Variants in DGKB observed in about 807,000 individuals in gnomAD.
DGKB encodes the protein diacylglycerol kinase beta, also known as 90 kDa diacylglycerol kinase.
In DGKB, 67 loss-of-function variants were observed where a neutral mutation model predicts 114.3. The ratio of observed to expected loss-of-function variants is 0.59; its 90% CI spans 0.48 to 0.72. The LOEUF is 0.72. Ranked by LOEUF, DGKB falls within the 30% of genes least tolerant of loss-of-function variation. The probability of loss-of-function intolerance (pLI) is 0.00; values close to 1 mark genes in which losing one functional copy is unlikely to be tolerated. For missense variants in DGKB, 907 were observed against 975.2 expected (o/e 0.93, Z 0.93); for synonymous variants, 398 against 323.1 (o/e 1.23, Z -2.49).
At chr7:14,402,747 G>C (rs1304595622) in intron 21 of DGKB, among the ~76,000 whole-genome samples, 1 of 151,872 alleles carries the variant, frequency 6.6e-6, no homozygotes. Flanking sequence ...TTGCTGTGAA[G>C]ATGTTTTATA....
intron 19 of DGKB, among the ~76,000 whole-genome samples, chr7:14,577,979 T>A (rs1799409672): frequency 6.6e-6 from 1 of 152,146 alleles, no homozygotes; most frequent in African/African-American, 2.4e-5. Flanking sequence ...GTGTCCCCAC[T>A]CAAATCTCAT....
chr7:14,908,487 T>C (rs543308184), intron 1 of DGKB, among the ~76,000 whole-genome samples: 2 of 152,310 alleles, frequency 1.3e-5, no homozygotes, highest in African/African-American at 4.8e-5. Context: ...CTCCATCTAA[T>C]AGCTAAATCT....
At chr7:14,778,421 G>A (rs763169265) in intron 2 of DGKB, among the ~76,000 whole-genome samples, 1 of 151,828 alleles carries the variant, frequency 6.6e-6, no homozygotes, top group Non-Finnish European at 1.5e-5. Context: ...TGTGCTACAC[G>A]CTCCACATTA....
chr7:14,913,125 G>T (rs911808452), intron 1 of DGKB, among the ~76,000 whole-genome samples: 1 of 152,014 alleles, frequency 6.6e-6, no homozygotes, highest in Non-Finnish European at 1.5e-5. Context: ...GTGGATCAGT[G>T]AGTCTTCATA....
intron 21 of DGKB, among the ~76,000 whole-genome samples, chr7:14,458,020 C>G (rs991368745): frequency 6.6e-6 from 1 of 152,116 alleles, no homozygotes; most frequent in Non-Finnish European, 1.5e-5. Flanking sequence ...GGGCTAGCGC[C>G]CTCTGCTGGT....
intron 23 of DGKB, among the ~76,000 whole-genome samples, chr7:14,247,361 T>C (rs570626996): frequency 1.3e-5 from 2 of 152,266 alleles, no homozygotes; most frequent in Non-Finnish European, 2.9e-5. Context: ...TTTTCTTATA[T>C]GTACCCAGCA....
At chr7:14,884,668 C>T (rs879707523) in intron 1 of DGKB, among the ~76,000 whole-genome samples, 1 of 151,910 alleles carries the variant, frequency 6.6e-6, no homozygotes, top group Non-Finnish European at 1.5e-5. Flanking sequence ...TCATCTCAGG[C>T]TCTGTAAATT....
At chr7:14,418,283 G>A (rs1438548355) in intron 21 of DGKB, among the ~76,000 whole-genome samples, 3 of 120,254 alleles carry the variant, frequency 2.5e-5, no homozygotes, top group Admixed American at 9.3e-5. Context: ...TTTTATATAT[G>A]TGTGTATATA....
chr7:14,492,973 A>G (rs1784805213), intron 20 of DGKB, among the ~76,000 whole-genome samples: 1 of 152,032 alleles, frequency 6.6e-6, no homozygotes, highest in Non-Finnish European at 1.5e-5. Flanking sequence ...AGACATAACC[A>G]TTTTTCAATA....
At chr7:14,509,903 C>T (rs1385562600) in intron 20 of DGKB, among the ~76,000 whole-genome samples, 2 of 152,194 alleles carry the variant, frequency 1.3e-5, no homozygotes, top group African/African-American at 4.8e-5. Flanking sequence ...CTTGGCCAGG[C>T]ATGGTGGCTC....
At chr7:14,824,473 T>C (rs182812182) in intron 2 of DGKB, among the ~76,000 whole-genome samples, 137 of 152,166 alleles carry the variant, frequency 9.0e-4, no homozygotes, top group Non-Finnish European at 1.6e-3. Flanking sequence ...GAGTGGGAGA[T>C]AGATCAAATT....
At chr7:14,169,987 A>G (rs1184293805) in intron 25 of DGKB, among the ~76,000 whole-genome samples, 2 of 151,850 alleles carry the variant, frequency 1.3e-5, no homozygotes, top group Non-Finnish European at 2.9e-5. Context: ...ATACAAAATT[A>G]GCCAGGTGTG....
intron 23 of DGKB, among the ~76,000 whole-genome samples, chr7:14,279,430 G>A (rs993087057): frequency 3.3e-5 from 5 of 152,140 alleles, no homozygotes; most frequent in African/African-American, 1.2e-4. Flanking sequence ...CTGGGGGCAG[G>A]GCACAGACAA....
chr7:14,927,025 G>T (rs919783132), intron 1 of DGKB, among the ~76,000 whole-genome samples: 17 of 151,910 alleles, frequency 1.1e-4, no homozygotes, highest in African/African-American at 4.1e-4. Context: ...TCTTGAAGGA[G>T]CATGTTTATT....
At chr7:14,647,136 G>C (rs1018304571) in intron 13 of DGKB, among the ~76,000 whole-genome samples, 2 of 151,952 alleles carry the variant, frequency 1.3e-5, no homozygotes, top group Admixed American at 6.5e-5. Flanking sequence ...CATTACAACT[G>C]ATACCACATA....
At chr7:14,576,461 T>C (rs889862637) in intron 19 of DGKB, among the ~76,000 whole-genome samples, 4 of 151,932 alleles carry the variant, frequency 2.6e-5, no homozygotes, top group African/African-American at 9.7e-5. Context: ...AATATATTCA[T>C]CTATTTTCCA....
intron 21 of DGKB, among the ~76,000 whole-genome samples, chr7:14,357,311 T>A (rs960951571): frequency 6.6e-6 from 1 of 152,204 alleles, no homozygotes; most frequent in African/African-American, 2.4e-5. Flanking sequence ...TTAGGATAGT[T>A]AGCTCTTCTT....
intron 14 of DGKB, among the ~76,000 whole-genome samples, chr7:14,625,251 T>C (rs1808366957): frequency 6.6e-6 from 1 of 151,974 alleles, no homozygotes; most frequent in Admixed American, 6.6e-5. Context: ...TGGGGAAAAA[T>C]GCAAATGTGT....
chr7:14,669,750 G>A (rs1324787998), intron 13 of DGKB, among the ~76,000 whole-genome samples: 7 of 152,064 alleles, frequency 4.6e-5, no homozygotes, highest in Non-Finnish European at 8.8e-5. Context: ...AAACCAAAAT[G>A]GAAACCAAAC....
Sources: allele counts gnomAD v4.1 joint callset (sites outside exome capture counted in the v4.1 genomes callset), GRCh38; gene constraint gnomAD v4.1.1; transcripts MANE v1.5; gene names NCBI Gene and HGNC (gene_info 2026-07-23, HGNC 2026-07-21).